Variants in LMBR1 observed in about 807,000 individuals in gnomAD.
The protein encoded by LMBR1 is limb development membrane protein 1, also known as limb region 1 protein homolog.
In LMBR1, 52 loss-of-function variants were observed where a neutral mutation model predicts 73.9. That is an observed-to-expected ratio of 0.70 (90% CI 0.56 to 0.89). The LOEUF (loss-of-function observed/expected upper bound fraction) is 0.89. Among genes scored for constraint, LMBR1 ranks in the 40% least tolerant of loss-of-function variants. LMBR1 has a pLI of 0.00. For missense variants in LMBR1, 539 were observed against 579.8 expected (o/e 0.93, Z 0.72); for synonymous variants, 215 against 209.4 (o/e 1.03, Z -0.23).
intron 4 of LMBR1, among the ~76,000 whole-genome samples, chr7:156,802,728 C>A (rs1313582601): frequency 6.6e-6 from 1 of 152,090 alleles, no homozygotes; most frequent in African/African-American, 2.4e-5. Flanking sequence ...ACACATCCAT[C>A]ACCCCCAAAT....
rs1434969099 is a variant in LMBR1, at chr7:156,846,070, G to A, written c.67-9185C>T. Reference sequence around the variant, plus strand: ...TTGAGACCAAAAGTGATCACTTAACGACACCCTGGGCAACCTAGAGAGACC... The same window carrying A: ...TTGAGACCAAAAGTGATCACTTAACAACACCCTGGGCAACCTAGAGAGACC... On this transcript the variant is annotated intron_variant, in intron 1 of 16. Transcript: ENST00000353442. Among the ~76,000 whole-genome samples the A allele has an allele frequency of 6.6e-5, 10 of 151,856 alleles. No homozygotes were observed. In the East Asian group the frequency reaches 1.2e-3, roughly 18 times the overall value.
intron 4 of LMBR1, among the ~76,000 whole-genome samples, chr7:156,802,129 C>G (rs550213319): frequency 6.6e-6 from 1 of 152,130 alleles, no homozygotes; most frequent in South Asian, 2.1e-4. Context: ...ATAACAGGCA[C>G]GCGCCACTGC....
At chr7:156,711,077 A>G (rs1045559217) in intron 15 of LMBR1, among the ~76,000 whole-genome samples, 4 of 152,204 alleles carry the variant, frequency 2.6e-5, no homozygotes, top group Non-Finnish European at 5.9e-5. Flanking sequence ...TTGGGAGGCC[A>G]AGGTGGGCAG....
At chr7:156,834,485 G>A (rs1837248306) in intron 2 of LMBR1, 1 of 276,992 alleles carries the variant, frequency 3.6e-6, no homozygotes, top group Non-Finnish European at 7.1e-6. Context: ...TGCCTGTAGT[G>A]CAGGATACTC....
At chr7:156,866,199 G>A (rs1798433585) in intron 1 of LMBR1, among the ~76,000 whole-genome samples, 1 of 152,078 alleles carries the variant, frequency 6.6e-6, no homozygotes, top group Admixed American at 6.6e-5. Flanking sequence ...CTTATGTCTA[G>A]ATTATGTCAA....
chr7:156,749,192 A>G (rs942257800), intron 9 of LMBR1, among the ~76,000 whole-genome samples: 1 of 152,238 alleles, frequency 6.6e-6, no homozygotes, highest in African/African-American at 2.4e-5. Context: ...TAGGATTGTC[A>G]TTGCCAGAAC....
chr7:156,713,880 ACT>A (rs1267630757), intron 15 of LMBR1, among the ~76,000 whole-genome samples: 5 of 151,986 alleles, frequency 3.3e-5, no homozygotes, highest in South Asian at 2.1e-4. Context: ...TTATTTAGAA[ACT>A]CTATATTTTC....
At chr7:156,698,431 G>C (rs1053780909) in intron 15 of LMBR1, among the ~76,000 whole-genome samples, 1 of 152,220 alleles carries the variant, frequency 6.6e-6, no homozygotes, top group African/African-American at 2.4e-5. Context: ...CCCTAGCAGA[G>C]GTTCTCCGTG....
At chr7:156,689,274 G>A (rs1214261916) in intron 15 of LMBR1, among the ~76,000 whole-genome samples, 1 of 151,996 alleles carries the variant, frequency 6.6e-6, no homozygotes, top group Non-Finnish European at 1.5e-5. Context: ...AGAGCATTTG[G>A]GGGCCATATA....
intron 2 of LMBR1, among the ~76,000 whole-genome samples, chr7:156,834,327 G>A (rs12666312): frequency 0.24 from 36,959 of 152,012 alleles, 5,046 homozygotes; most frequent in East Asian, 0.42. Flanking sequence ...TTGGCTGGGC[G>A]CAATGGCTCA....
intron 7 of LMBR1, among the ~76,000 whole-genome samples, 181 bp from the exon 8 acceptor site, chr7:156,762,379 C>A (rs1431397468): frequency 1.3e-5 from 2 of 152,074 alleles, no homozygotes; most frequent in Non-Finnish European, 2.9e-5. Flanking sequence ...AATAAAGAAG[C>A]TAGAGGGGCC....
At chr7:156,760,259 T>C (rs1822720907) in intron 8 of LMBR1, among the ~76,000 whole-genome samples, 1 of 151,446 alleles carries the variant, frequency 6.6e-6, no homozygotes, top group South Asian at 2.1e-4. Flanking sequence ...TCACTATATT[T>C]AACATTAATA....
chr7:156,747,861 C>T (rs1229701129), intron 9 of LMBR1: 1 of 152,132 alleles, frequency 6.6e-6, no homozygotes, highest in African/African-American at 2.4e-5. Context: ...GTTGTTAAAG[C>T]CCAAATCTCC....
intron 15 of LMBR1, among the ~76,000 whole-genome samples, chr7:156,718,143 T>C (rs1193223615): frequency 2.0e-5 from 3 of 152,280 alleles, no homozygotes; most frequent in East Asian, 3.9e-4. Flanking sequence ...CTCACACCTG[T>C]AATCCCAGCA....
At chr7:156,807,795 A>T (rs988170878) in intron 4 of LMBR1, among the ~76,000 whole-genome samples, 3 of 152,298 alleles carry the variant, frequency 2.0e-5, no homozygotes, top group African/African-American at 4.8e-5. Context: ...CACATCCCGC[A>T]AATATTAAAA....
downstream of LMBR1, among the ~76,000 whole-genome samples, chr7:156,675,059 A>G (rs1312987063): frequency 6.6e-6 from 1 of 152,230 alleles, no homozygotes; most frequent in African/African-American, 2.4e-5. Flanking sequence ...TTACTTAGTA[A>G]GTCCCATGTG....
At chr7:156,852,815 G>C (rs1307959017) in intron 1 of LMBR1, among the ~76,000 whole-genome samples, 1 of 152,258 alleles carries the variant, frequency 6.6e-6, no homozygotes, top group East Asian at 1.9e-4. Flanking sequence ...AGAACAATCT[G>C]TCCAGAATGT....
At chr7:156,868,830 G>C in intron 1 of LMBR1, among the ~76,000 whole-genome samples, 1 of 152,100 alleles carries the variant, frequency 6.6e-6, no homozygotes, top group Non-Finnish European at 1.5e-5. Context: ...GCCAGGCATG[G>C]TAGTGCAAGC....
At position 156,787,478 on chromosome 7, in the gene LMBR1, A is replaced by C. The variant is rs1267939306; in HGVS notation, c.423+8911T>G. On this transcript the variant is annotated intron_variant, in intron 5 of 16. Coordinates refer to ENST00000353442, the MANE Select transcript of LMBR1 (RefSeq NM_022458.4). ...TCCTTTAAACCAACTATGTAAAAAA[A>C]ACTCATGAGGTGACAACAAACATAT... Among the ~76,000 whole-genome samples the C allele has an allele frequency of 2.0e-5, 3 of 152,180 alleles. No homozygotes were observed. In the East Asian group the frequency reaches 5.8e-4, roughly 29 times the overall value.
Sources: allele counts gnomAD v4.1 joint callset (sites outside exome capture counted in the v4.1 genomes callset), GRCh38; gene constraint gnomAD v4.1.1; transcripts MANE v1.5; gene names NCBI Gene and HGNC (gene_info 2026-07-23, HGNC 2026-07-21).